The following DNAH5 variants were observed in gnomAD, a reference collection of about 807,000 sequenced individuals.
DNAH5 encodes axonemal beta dynein heavy chain 5.
DNAH5 carries 372 observed loss-of-function variants against 518.2 expected under a neutral mutation model. The observed-to-expected ratio is 0.72, with a 90% CI of 0.66 to 0.78. DNAH5 has a LOEUF of 0.78. Ranked by LOEUF, DNAH5 falls within the 30% of genes least tolerant of loss-of-function variation. The pLI is 0.00. For missense variants in DNAH5, 5,523 were observed against 5,687.0 expected (o/e 0.97, Z 0.93); for synonymous variants, 2,039 against 2,025.9 (o/e 1.01, Z -0.17).
intron 70 of DNAH5, among the ~76,000 whole-genome samples, chr5:13,722,824 G>A (rs1745230996): frequency 6.6e-6 from 1 of 152,208 alleles, no homozygotes; most frequent in Non-Finnish European, 1.5e-5. Flanking sequence ...ACCAATGGCA[G>A]ATTAAGAGGC....
chr5:13,704,201 G>T, intron 76 of DNAH5, among the ~76,000 whole-genome samples: 1 of 152,216 alleles, frequency 6.6e-6, no homozygotes, highest in East Asian at 1.9e-4. Context: ...GCGGTGGAAA[G>T]ACAGAGATAC....
chr5:13,986,245 C>T (rs983696693), intron 1 of DNAH5, among the ~76,000 whole-genome samples: 2 of 152,152 alleles, frequency 1.3e-5, no homozygotes, highest in African/African-American at 4.8e-5. Flanking sequence ...TCTGAGCTTC[C>T]CAGCAGCCCA....
chr5:13,692,200 G>T, intron 78 of DNAH5, 65 bp from the exon 79 acceptor site: 1 of 1,566,796 alleles, frequency 6.4e-7, no homozygotes. Flanking sequence ...GGAGAATGCA[G>T]AGCCATGCTT....
intron 52 of DNAH5, among the ~76,000 whole-genome samples, chr5:13,782,854 A>T (rs1561247035): frequency 6.6e-6 from 1 of 152,184 alleles, no homozygotes; most frequent in Non-Finnish European, 1.5e-5. Context: ...AGACCCTCAA[A>T]TAGGGCTATT....
chr5:13,900,861 G>A (rs958290408), intron 14 of DNAH5: 2 of 321,900 alleles, frequency 6.2e-6, no homozygotes, highest in African/African-American at 4.3e-5. Context: ...GGTAGGATAT[G>A]CTATGATTAA....
intron 47 of DNAH5, among the ~76,000 whole-genome samples, chr5:13,803,332 A>C (rs1292660305): frequency 2.0e-5 from 3 of 152,250 alleles, no homozygotes; most frequent in Non-Finnish European, 4.4e-5. Context: ...TAAAATGCTC[A>C]ATAGTACATT....
At chr5:13,921,440 C>G (rs976627527) in intron 5 of DNAH5, among the ~76,000 whole-genome samples, 3 of 142,968 alleles carry the variant, frequency 2.1e-5, no homozygotes, top group Non-Finnish European at 3.0e-5. Context: ...CTCTCTGTCT[C>G]TCTCTCTCTC....
In DNAH5 at chr5:13,776,698, G is replaced by C. The variant is rs1754142622; in HGVS notation, c.9114C>G (p.Asn3038Lys). The change falls in exon 55 of 79, where the codon AAC becomes AAG. Residue 3038 changes from asparagine to lysine, a missense_variant. Transcript: ENST00000265104. ...CATCAATTTCATCTCGAGCAAATAG[G>C]TTAGAGACCTTAAAAAGAAGTACAG... ...NNVLSSGEVSNLFARDEIDEI... is the reference protein window; with the variant it reads ...NNVLSSGEVSKLFARDEIDEI... The C allele has an allele frequency of 1.2e-6, 2 of 1,613,556 alleles. No individual in the cohort carries two copies. Among genetic ancestry groups the C allele is most frequent in the Non-Finnish European group, 1.7e-6 (2 of 1,179,722 alleles).
upstream of DNAH5, among the ~76,000 whole-genome samples, chr5:13,947,349 A>G (rs556095253): frequency 6.6e-6 from 1 of 152,310 alleles, no homozygotes; most frequent in Admixed American, 6.5e-5. Context: ...TTAATAGAAA[A>G]GTGCAACTTT....
At chr5:13,820,204 A>C in intron 41 of DNAH5, 142 bp downstream of exon 41, 1 of 947,774 alleles carries the variant, frequency 1.1e-6, no homozygotes. Flanking sequence ...TATCTCTAAA[A>C]TGTTCCCAAT....
At chr5:13,760,631 G>C (rs1212268709) in intron 60 of DNAH5, among the ~76,000 whole-genome samples, 1 of 152,142 alleles carries the variant, frequency 6.6e-6, no homozygotes, top group Non-Finnish European at 1.5e-5. Flanking sequence ...ATTCATACTT[G>C]TTTGAATTTA....
chr5:13,697,364 A>G (rs1450812219), intron 78 of DNAH5, among the ~76,000 whole-genome samples: 3 of 152,186 alleles, frequency 2.0e-5, no homozygotes, highest in Non-Finnish European at 4.4e-5. Context: ...GAACTACACC[A>G]TGTGCCAAGC....
At chr5:14,004,314 C>T (rs2896119) in intron 1 of DNAH5, among the ~76,000 whole-genome samples, 1 of 152,152 alleles carries the variant, frequency 6.6e-6, no homozygotes, top group African/African-American at 2.4e-5. Context: ...AGCCACCTTT[C>T]TCTGATGAGC....
rs754774332 is a variant in DNAH5 at position 13,891,119 on chromosome 5, C to G, written c.2434G>C (p.Asp812His). ...ACCCTGTCAAGCAGCAACTCCAGGT[C>G]CTCTTTGGGAAAAAATAAAAGTAAA... Reference protein sequence around the residue: ...YLENTFAKIKDLELLLDRVND... With the variant: ...YLENTFAKIKHLELLLDRVND... The change falls in exon 17 of 79, where the codon GAC becomes CAC. Residue 812 changes from aspartate (D) to histidine (H), a missense_variant and splice_region_variant. Physicochemically the swap from Asp to His is moderately conservative, Grantham distance 81. Around this residue, in one of 3 missense-constraint regions of DNAH5, gnomAD observed 5,121 missense variants for 5,223.3 expected, o/e 0.98. Transcript: ENST00000265104. The G allele has an allele frequency of 1.2e-6, 2 of 1,613,796 alleles. No individual in the cohort carries two copies. Among genetic ancestry groups the G allele is most frequent in the Non-Finnish European group, 1.7e-6 (2 of 1,179,968 alleles).
At chr5:13,734,891 T>C (rs529750925) in intron 68 of DNAH5, among the ~76,000 whole-genome samples, 89 of 152,288 alleles carry the variant, frequency 5.8e-4, no homozygotes, top group African/African-American at 2.0e-3. Flanking sequence ...TAAATCTATA[T>C]ATGCTTTTCA....
In DNAH5 at chr5:13,895,652, A is replaced by G. The variant is rs564995184; in HGVS notation, c.2260-831T>C. Among the ~76,000 whole-genome samples, 9 of 152,254 alleles carry G rather than the reference A, an allele frequency of 5.9e-5. No homozygotes were observed. The East Asian group carries it at 1.2e-3, about 20-fold the overall frequency. The stretch of plus-strand genomic sequence containing the variant: ...CCGGGAACCAGTATTGATCTCAACT[A>G]GTGTCACGGCTTTGAATTTCATCCA... On this transcript the variant is annotated intron_variant, in intron 15 of 78. Coordinates refer to ENST00000265104, the MANE Select transcript of DNAH5 (RefSeq NM_001369.3).
intron 1 of DNAH5, among the ~76,000 whole-genome samples, chr5:13,966,929 T>G (rs1781567042): frequency 6.6e-6 from 1 of 152,220 alleles, no homozygotes; most frequent in Non-Finnish European, 1.5e-5. Context: ...TGGTGTGATC[T>G]CAGCTCACTG....
chr5:13,694,184 T>C (rs1741060809), intron 78 of DNAH5, among the ~76,000 whole-genome samples: 1 of 152,120 alleles, frequency 6.6e-6, no homozygotes, highest in Admixed American at 6.6e-5. Context: ...TGGATTTTAA[T>C]CCCAACAGAA....
chr5:13,961,952 C>G (rs570522106), intron 1 of DNAH5, among the ~76,000 whole-genome samples: 2 of 152,242 alleles, frequency 1.3e-5, no homozygotes, highest in African/African-American at 4.8e-5. Context: ...GCTTTGCTTT[C>G]AATGCAAAGC....
Sources: allele counts gnomAD v4.1 joint callset (sites outside exome capture counted in the v4.1 genomes callset), GRCh38; gene constraint gnomAD v4.1.1; regional missense constraint gnomAD v4.1.1; transcripts MANE v1.5; gene names NCBI Gene and HGNC (gene_info 2026-07-23, HGNC 2026-07-21).